Variants in SUPT20HL1 observed in about 807,000 individuals in gnomAD.
SUPT20HL1 encodes SUPT20H like 1, also known as transcription factor SPT20 homolog-like 1.
For missense variants in SUPT20HL1, 277 were observed against 200.3 expected, an observed-to-expected ratio of 1.38 and a Z score of -2.31; for synonymous variants, 133 against 79.2, an observed-to-expected ratio of 1.68 and a Z score of -3.61.
rs1204139827 is a variant in SUPT20HL1, at chrX:24,366,083, T to A, written c.*659T>A. On this transcript the variant is annotated 3_prime_UTR_variant, in exon 1 of 1. Transcript: ENST00000686983. ...TGGCCACTTCATGGAAGTGGAATCA[T>A]ATGGCATTTGTCATTTGATGAGTGT... is the stretch of plus-strand genomic sequence containing the variant. 9.0e-6 allele frequency among the ~76,000 whole-genome samples: 1 copy of A among 111,696 alleles called. No homozygotes were observed. Among genetic ancestry groups the A allele is most frequent in the African/African-American group, 3.3e-5 (1 of 30,674 alleles).
In SUPT20HL1 at chrX:24,361,104, G is replaced by T. The variant is rs1200094173; in HGVS notation, c.-1657G>T. Reference sequence around the variant, plus strand: ...ACTGTCTTCCAAGGTCCCCAGCATGGACCAGTTGTCTGGAGCCGCTTGTGC... The same window carrying T: ...ACTGTCTTCCAAGGTCCCCAGCATGTACCAGTTGTCTGGAGCCGCTTGTGC... On this transcript the variant is annotated 5_prime_UTR_variant, in exon 1 of 1. Coordinates refer to ENST00000686983, the MANE Select transcript of SUPT20HL1 (RefSeq NM_001136234.3). Among the ~76,000 whole-genome samples the T allele has an allele frequency of 8.9e-6, 1 of 112,463 alleles. No homozygotes were observed. The highest frequency in any genetic ancestry group is 3.2e-5 in the African/African-American group (1 of 30,955).
chrX:24,362,219 G>T lies in SUPT20HL1; in HGVS notation c.-542G>T, dbSNP rs991041417. Among the ~76,000 whole-genome samples, 1 of 112,964 alleles carries T rather than the reference G, an allele frequency of 8.9e-6. No homozygotes were observed. The highest frequency in any genetic ancestry group is 3.2e-5 in the African/African-American group (1 of 31,143). On this transcript the variant is annotated 5_prime_UTR_variant, in exon 1 of 1. Coordinates refer to ENST00000686983, the MANE Select transcript of SUPT20HL1 (RefSeq NM_001136234.3). ...GCAAGTGCGGGCAGCAGACCCGGAAGTGCGGTGGGTGAGCCTTGCGCCCAG... is the reference window on the plus strand; with the variant it reads ...GCAAGTGCGGGCAGCAGACCCGGAATTGCGGTGGGTGAGCCTTGCGCCCAG...
Position 24,363,462 on chromosome X carries a change from G to A in SUPT20HL1, c.702G>A (p.Pro234=), listed in dbSNP as rs1293123484. The change falls in exon 1 of 1, where the codon CCG becomes CCA. Residue 234 remains proline (P), a synonymous_variant. Transcript: ENST00000686983. ...ACAAGCAAAAGATGAATACCGACCC[G>A]ATGAAACGGTGCCTCCAGAGGTATT... ...LYNKQKMNTD[P]MKRCLQRYSW... The A allele has an allele frequency of 5.2e-6, 2 of 385,488 alleles. No homozygotes were observed. The highest frequency in any genetic ancestry group is 5.1e-5 in the African/African-American group (2 of 39,113). The allele number at this position is 385,488 out of a possible 1,213,427, so 31.8% of individuals were successfully genotyped here.
In SUPT20HL1 at chrX:24,364,280, C is replaced by CTGCTGCTAT; in HGVS notation, c.1527_1528insATTGCTGCT (p.Ala509_Ala510insIleAlaAla). 1.1e-6 allele frequency: 1 copy of CTGCTGCTAT among 944,046 alleles called. No individual in the cohort carries two copies. The highest frequency in any genetic ancestry group is 1.5e-6 in the Non-Finnish European group (1 of 678,425). The allele number at this position is 944,046 out of a possible 1,213,427, so 77.8% of individuals were successfully genotyped here. A position where few individuals can be genotyped will look rare whatever the true frequency, so the allele number is the denominator to read the frequency against. ...ATTGCTGCTGCTGCTGCTGCTGCTG[C>CTGCTGCTAT]TGCTGCTGCTGCTGCTGCTGCTGCT... On this transcript the variant is annotated inframe_insertion, in exon 1 of 1. Coordinates refer to ENST00000686983, the MANE Select transcript of SUPT20HL1 (RefSeq NM_001136234.3).
At position 24,367,296 on chromosome X, in the gene SUPT20HL1, A is replaced by T. The variant is rs996004515; in HGVS notation, c.*1872A>T. 2.7e-5 allele frequency among the ~76,000 whole-genome samples: 3 copies of T among 112,216 alleles called. No individual in the cohort carries two copies. The highest frequency in any genetic ancestry group is 3.8e-5 in the Non-Finnish European group (2 of 53,295). On this transcript the variant is annotated 3_prime_UTR_variant, in exon 1 of 1. Transcript: ENST00000686983. ...ACATTTGTGTAGAAGTATTTGTTTT[A>T]GTGCCTCTTATATTTTGCTCTGTTA...
Position 24,365,461 on chromosome X carries a change from G to A in SUPT20HL1, c.*37G>A, listed in dbSNP as rs751443067. The A allele has an allele frequency of 5.1e-4, 176 of 343,858 alleles. 1 individual carries two copies. The highest frequency in any genetic ancestry group is 4.8e-3 in the South Asian group (174 of 35,997). 28.3% of individuals were successfully genotyped at this position (343,858 alleles called of 1,213,427 possible). A position where few individuals can be genotyped will look rare whatever the true frequency, so the allele number is the denominator to read the frequency against. ...GTTTGTCTCTCTTTTAAAAGCACAG[G>A]AGCATTGACTCAAATGATTTCCCAG... On this transcript the variant is annotated 3_prime_UTR_variant, in exon 1 of 1. Coordinates refer to ENST00000686983, the MANE Select transcript of SUPT20HL1 (RefSeq NM_001136234.3).
chrX:24,364,037 C>T lies in SUPT20HL1; in HGVS notation c.1277C>T (p.Ser426Phe). 3.7e-6 allele frequency: 2 copies of T among 543,135 alleles called. No homozygotes were observed. Among genetic ancestry groups the T allele is most frequent in the Non-Finnish European group, 6.8e-6 (2 of 294,158 alleles). The allele number at this position is 543,135 out of a possible 1,213,427, so 44.8% of individuals were successfully genotyped here. The change falls in exon 1 of 1, where the codon TCC (serine) becomes TTC (phenylalanine). Residue 426 changes from serine to phenylalanine, a missense_variant. Physicochemically the swap from Ser to Phe is radical, Grantham distance 155 (BLOSUM62 -2). Transcript: ENST00000686983. Reference sequence around the variant, plus strand: ...GGTCCAGGCAAGATGTCACACAGCTCCAGTGGCCCAGCCAGTGTCAGTCAG... The same window carrying T: ...GGTCCAGGCAAGATGTCACACAGCTTCAGTGGCCCAGCCAGTGTCAGTCAG... ...VKGPGKMSHS[S>F]SGPASVSQLS...
chrX:24,362,439 C>T lies in SUPT20HL1; in HGVS notation c.-322C>T, dbSNP rs1939434247. On this transcript the variant is annotated 5_prime_UTR_variant, in exon 1 of 1. Coordinates refer to ENST00000686983, the MANE Select transcript of SUPT20HL1 (RefSeq NM_001136234.3). The stretch of plus-strand genomic sequence containing the variant: ...CCTCAAACAGATTGGGTAGCGCTTC[C>T]CTGGGGGCAGGTTTCTGGGCAGGTG... 8.9e-6 allele frequency among the ~76,000 whole-genome samples: 1 copy of T among 111,872 alleles called. No homozygotes were observed. The highest frequency in any genetic ancestry group is 3.2e-5 in the African/African-American group (1 of 30,801).
Position 24,362,444 on chromosome X carries a change from G to T in SUPT20HL1, c.-317G>T, listed in dbSNP as rs1311043823. On this transcript the variant is annotated 5_prime_UTR_variant, in exon 1 of 1. Transcript: ENST00000686983. The stretch of plus-strand genomic sequence containing the variant: ...AACAGATTGGGTAGCGCTTCCCTGG[G>T]GGCAGGTTTCTGGGCAGGTGCCCAG... Among the ~76,000 whole-genome samples, 1 of 111,718 alleles carries T rather than the reference G, an allele frequency of 9.0e-6. No homozygotes were observed. The highest frequency in any genetic ancestry group is 1.9e-5 in the Non-Finnish European group (1 of 52,907).
rs1939430666 is a variant in SUPT20HL1 at position 24,362,097 on chromosome X, GA to G, written c.-663del. Among the ~76,000 whole-genome samples, 2 of 112,731 alleles carry G rather than the reference GA, an allele frequency of 1.8e-5. No individual in the cohort carries two copies. Among genetic ancestry groups the G allele is most frequent in the African/African-American group, 6.4e-5 (2 of 31,092 alleles). On this transcript the variant is annotated 5_prime_UTR_variant, in exon 1 of 1. The change abolishes an upstream ATG in the 5' untranslated region. Transcript: ENST00000686983. ...CGACAGCGGCATTCCTGTGGAAACT[GA>G]TGTCTATGCACGGTGCGAAAGATAC...
At position 24,360,783 on chromosome X, in the gene SUPT20HL1, G is replaced by A. The variant is rs919370058; in HGVS notation, c.-1978G>A. Among the ~76,000 whole-genome samples, 32 of 112,167 alleles carry A rather than the reference G, an allele frequency of 2.9e-4. No homozygotes were observed. Among genetic ancestry groups the A allele is most frequent in the African/African-American group, 1.0e-3 (32 of 30,829 alleles). On this transcript the variant is annotated 5_prime_UTR_variant, in exon 1 of 1. The change abolishes the stop of an existing upstream ORF in the 5' untranslated region. Coordinates refer to ENST00000686983, the MANE Select transcript of SUPT20HL1 (RefSeq NM_001136234.3). Reference sequence around the variant, plus strand: ...TCTACATCGATAAGAATGAATGGCTGACTTCTCTCACTCATCTTCAGTCCT... The same window carrying A: ...TCTACATCGATAAGAATGAATGGCTAACTTCTCTCACTCATCTTCAGTCCT...
rs1420943262 is a variant in SUPT20HL1, at chrX:24,367,451, G to T, written c.*2027G>T. Among the ~76,000 whole-genome samples, 2 of 112,386 alleles carry T rather than the reference G, an allele frequency of 1.8e-5. No individual in the cohort carries two copies. Among genetic ancestry groups the T allele is most frequent in the Admixed American group, 1.9e-4 (2 of 10,603 alleles). ...AGTTCCAAAAGACATCAGTGAAGAG[G>T]CAGGTAACTGGTTAATCTTACTTGA... On this transcript the variant is annotated 3_prime_UTR_variant, in exon 1 of 1. Transcript: ENST00000686983.
In SUPT20HL1 at chrX:24,366,279, A is replaced by T. The variant is rs1176678032; in HGVS notation, c.*855A>T. On this transcript the variant is annotated 3_prime_UTR_variant, in exon 1 of 1. Transcript: ENST00000686983. ...TCTGAAAGAGTGTAATCGTATTTAG[A>T]TTAATAGGTTTATGTACAATATATG... Among the ~76,000 whole-genome samples the T allele has an allele frequency of 8.9e-6, 1 of 112,222 alleles. No individual in the cohort carries two copies. Among genetic ancestry groups the T allele is most frequent in the African/African-American group, 3.2e-5 (1 of 30,850 alleles).
At position 24,362,724 on chromosome X, in the gene SUPT20HL1, G is replaced by C. The variant is rs774098953; in HGVS notation, c.-37G>C. The C allele has an allele frequency of 3.0e-6, 1 of 335,736 alleles. No individual in the cohort carries two copies. The highest frequency in any genetic ancestry group is 5.8e-6 in the Non-Finnish European group (1 of 171,502). 27.7% of individuals were successfully genotyped at this position (335,736 alleles called of 1,213,427 possible). Reference sequence around the variant, plus strand: ...CACCCTGCTTCACCAACGCACATGCGTTTTCTCTCCTCTTAGGGGCCCTGT... The same window carrying C: ...CACCCTGCTTCACCAACGCACATGCCTTTTCTCTCCTCTTAGGGGCCCTGT... On this transcript the variant is annotated 5_prime_UTR_variant, in exon 1 of 1. Transcript: ENST00000686983.
rs1205836249 is a variant in SUPT20HL1 at position 24,362,123 on chromosome X, C to T, written c.-638C>T. ...ATGTCTATGCACGGTGCGAAAGATA[C>T]ATCTATACCGTCATTGGTGGCTTAT... On this transcript the variant is annotated 5_prime_UTR_variant, in exon 1 of 1. Coordinates refer to ENST00000686983, the MANE Select transcript of SUPT20HL1 (RefSeq NM_001136234.3). Among the ~76,000 whole-genome samples, 1 of 112,647 alleles carries T rather than the reference C, an allele frequency of 8.9e-6. No individual in the cohort carries two copies. The highest frequency in any genetic ancestry group is 1.9e-5 in the Non-Finnish European group (1 of 53,322).
At position 24,363,635 on chromosome X, in the gene SUPT20HL1, C is replaced by G. The variant is rs191671746; in HGVS notation, c.875C>G (p.Thr292Arg). The G allele has an allele frequency of 2.6e-6, 1 of 386,961 alleles. No homozygotes were observed. Among genetic ancestry groups the G allele is most frequent in the East Asian group, 7.5e-5 (1 of 13,360 alleles). 31.9% of individuals were successfully genotyped at this position (386,961 alleles called of 1,213,427 possible). The change falls in exon 1 of 1, where the codon ACG becomes AGG. Residue 292 changes from threonine to arginine, a missense_variant. Physicochemically the swap from Thr to Arg is moderately conservative, Grantham distance 71. Transcript: ENST00000686983. ...NIAKAGSCVD[T>R]WKGRPCDLAV... ...GCTAAAGCAGGAAGTTGTGTAGACA[C>G]GTGGAAAGGCAGACCCTGTGATTTG...
At position 24,361,341 on chromosome X, in the gene SUPT20HL1, T is replaced by G. The variant is rs936390229; in HGVS notation, c.-1420T>G. Among the ~76,000 whole-genome samples the G allele has an allele frequency of 1.8e-5, 2 of 112,062 alleles. No individual in the cohort carries two copies. Among genetic ancestry groups the G allele is most frequent in the African/African-American group, 3.2e-5 (1 of 30,804 alleles). On this transcript the variant is annotated 5_prime_UTR_variant, in exon 1 of 1. Coordinates refer to ENST00000686983, the MANE Select transcript of SUPT20HL1 (RefSeq NM_001136234.3). ...ATGGCAGGGTGGGCAGATATACCTCTCTAATAAGTGAGATGCACCCTGGGA... is the reference window on the plus strand; with the variant it reads ...ATGGCAGGGTGGGCAGATATACCTCGCTAATAAGTGAGATGCACCCTGGGA...
rs1939486870 is a variant in SUPT20HL1, at chrX:24,366,659, T to C, written c.*1235T>C. ...AATATCTGTAGCCTTGTTTCTTAAG[T>C]AGAACCCCCGTCTTTTTCTTTGTCT... On this transcript the variant is annotated 3_prime_UTR_variant, in exon 1 of 1. Transcript: ENST00000686983. 1.0e-5 allele frequency among the ~76,000 whole-genome samples: 1 copy of C among 100,415 alleles called. No homozygotes were observed. Among genetic ancestry groups the C allele is most frequent in the Non-Finnish European group, 2.0e-5 (1 of 51,097 alleles). 87.2% of individuals were successfully genotyped at this position (100,415 alleles called of 115,157 possible).
rs188942017 is a variant in SUPT20HL1, at chrX:24,362,311, C to A, written c.-450C>A. On this transcript the variant is annotated 5_prime_UTR_variant, in exon 1 of 1. Coordinates refer to ENST00000686983, the MANE Select transcript of SUPT20HL1 (RefSeq NM_001136234.3). The stretch of plus-strand genomic sequence containing the variant: ...AGTGCACATGCGCATAGACGGGGCC[C>A]AGGAGCTGACCCTGGCCCTCCCGTT... Among the ~76,000 whole-genome samples, 83 of 112,634 alleles carry A rather than the reference C, an allele frequency of 7.4e-4. No homozygotes were observed. Among genetic ancestry groups the A allele is most frequent in the African/African-American group, 2.5e-3 (79 of 31,074 alleles).
Sources: allele counts gnomAD v4.1 joint callset (sites outside exome capture counted in the v4.1 genomes callset), GRCh38; gene constraint gnomAD v4.1.1; transcripts MANE v1.5; gene names NCBI Gene and HGNC (gene_info 2026-07-23, HGNC 2026-07-21).